PLXNA4: variants seen among roughly 807,000 people sequenced by gnomAD.
PLXNA4 encodes plexin-A4.
Under a neutral mutation model 191.8 loss-of-function variants are expected in PLXNA4, and 44 were observed. The ratio of observed to expected loss-of-function variants is 0.23; its 90% CI spans 0.18 to 0.29. PLXNA4 has a LOEUF of 0.29. Among genes scored for constraint, PLXNA4 ranks in the 10% least tolerant of loss-of-function variants. The probability of loss-of-function intolerance (pLI) is 1.00; values close to 1 mark genes in which losing one functional copy is unlikely to be tolerated. For missense variants in PLXNA4, 1,800 were observed against 2,488.8 expected (o/e 0.72, Z 5.89); for synonymous variants, 1,082 against 1,009.5 (o/e 1.07, Z -1.36).
At chr7:132,343,434 A>C (rs1248901743) in intron 3 of PLXNA4, among the ~76,000 whole-genome samples, 2 of 152,202 alleles carry the variant, frequency 1.3e-5, no homozygotes, top group Admixed American at 6.5e-5. Context: ...GGCAATCACC[A>C]TTCTAGTTTC....
At chr7:132,582,001 C>T (rs985696114), upstream of PLXNA4, among the ~76,000 whole-genome samples, 2 of 152,110 alleles carry the variant, frequency 1.3e-5, no homozygotes, top group African/African-American at 2.4e-5. Context: ...ACTCCATTGG[C>T]CAGAAAGAAG....
In PLXNA4 at chr7:132,628,341, T is replaced by C. The variant is rs1198202647; in HGVS notation, c.-87+17587A>G. Among the ~76,000 whole-genome samples the C allele has an allele frequency of 2.6e-5, 4 of 152,082 alleles. No individual in the cohort carries two copies. The East Asian group carries it at 7.7e-4, about 29-fold the overall frequency. On this transcript the variant is annotated intron_variant, in intron 2 of 4. Coordinates refer to the PLXNA4 transcript ENST00000378539. Reference sequence around the variant, plus strand: ...TCCTTTGTATTTCTCTCTTGCTCTGTCTCTCTCTCGCTCTCTCTCTCTCTC... The same window carrying C: ...TCCTTTGTATTTCTCTCTTGCTCTGCCTCTCTCTCGCTCTCTCTCTCTCTC...
intron 4 of PLXNA4, among the ~76,000 whole-genome samples, chr7:132,246,527 T>G (rs574909209): frequency 6.6e-6 from 1 of 152,284 alleles, no homozygotes; most frequent in East Asian, 1.9e-4. Context: ...GGCCCCTGAT[T>G]TTAGAAAATC....
chr7:132,305,463 A>G (rs1801482009), intron 3 of PLXNA4, among the ~76,000 whole-genome samples: 1 of 150,234 alleles, frequency 6.7e-6, no homozygotes, highest in Admixed American at 6.6e-5. Context: ...CTGGCCCGGG[A>G]TCTTCCAAGG....
At chr7:132,432,160 C>T (rs1349308152) in intron 3 of PLXNA4, among the ~76,000 whole-genome samples, 1 of 152,122 alleles carries the variant, frequency 6.6e-6, no homozygotes, top group African/African-American at 2.4e-5. Context: ...AGCTGGGTAT[C>T]CCATCCCTGC....
intron 2 of PLXNA4, among the ~76,000 whole-genome samples, chr7:132,614,718 T>C (rs1370316685): frequency 6.6e-6 from 1 of 152,218 alleles, no homozygotes; most frequent in Non-Finnish European, 1.5e-5. Flanking sequence ...TAATGAGAAA[T>C]TTCCAAGAAA....
In PLXNA4 at chr7:132,595,602, C is replaced by G. The variant is rs150925203; in HGVS notation, c.-87+50326G>C. ...GGGGTACTTTCACAACACCCAGGCA[C>G]TAAGTCACAACAGAGGAAAACTTGT... On this transcript the variant is annotated intron_variant, in intron 2 of 4. Coordinates refer to the PLXNA4 transcript ENST00000378539. 4.5e-3 allele frequency among the ~76,000 whole-genome samples: 691 copies of G among 152,308 alleles called. 6 individuals carry two copies. The highest frequency in any genetic ancestry group is 0.016 in the African/African-American group (668 of 41,564).
In PLXNA4 at chr7:132,463,522, A is replaced by G. The variant is rs185568571; in HGVS notation, c.1371+25770T>C. Reference sequence around the variant, plus strand: ...GGAAATTGATGCCAGAGAGGATAAGAGACTTGCTTAAGGTTACATAGATGG... The same window carrying G: ...GGAAATTGATGCCAGAGAGGATAAGGGACTTGCTTAAGGTTACATAGATGG... On this transcript the variant is annotated intron_variant, in intron 3 of 31. Coordinates refer to ENST00000321063, the MANE Select transcript of PLXNA4 (RefSeq NM_020911.2). 1.8e-3 allele frequency among the ~76,000 whole-genome samples: 272 copies of G among 152,326 alleles called. 3 individuals are homozygous for G. Among genetic ancestry groups the G allele is most frequent in the African/African-American group, 6.0e-3 (250 of 41,578 alleles).
At chr7:132,212,002 G>A (rs142798322) in intron 9 of PLXNA4, among the ~76,000 whole-genome samples, 80 of 152,312 alleles carry the variant, frequency 5.3e-4, no homozygotes, top group African/African-American at 1.8e-3. Flanking sequence ...CAGGAGCTGT[G>A]TGGAGGAGAG....
intron 3 of PLXNA4, among the ~76,000 whole-genome samples, chr7:132,350,293 C>G (rs1361614535): frequency 6.6e-6 from 1 of 152,128 alleles, no homozygotes; most frequent in African/African-American, 2.4e-5. Context: ...CACTTGAGGT[C>G]AGGAGTTTGA....
chr7:132,602,062 A>G (rs1192959172), intron 2 of PLXNA4, among the ~76,000 whole-genome samples: 5 of 152,262 alleles, frequency 3.3e-5, no homozygotes, highest in African/African-American at 1.2e-4. Context: ...TACTCATGTA[A>G]ACACTGAATA....
intron 3 of PLXNA4, among the ~76,000 whole-genome samples, chr7:132,441,251 T>A (rs1795688145): frequency 6.6e-6 from 1 of 152,142 alleles, no homozygotes; most frequent in African/African-American, 2.4e-5. Flanking sequence ...AAAAGGTAAA[T>A]TCGATGGGTA....
intron 4 of PLXNA4, among the ~76,000 whole-genome samples, chr7:132,259,436 CAAAAAAAAAAAAAAAAAAAAAAAAAAAA>C (rs55902635): frequency 3.0e-5 from 1 of 33,854 alleles, no homozygotes; most frequent in Non-Finnish European, 5.1e-5. Context: ...AACTCCAACT[CAAAAAAAAAAAAAAAAAAAAAAAAAAAA>C]AAAAAAAAAG....
intron 9 of PLXNA4, among the ~76,000 whole-genome samples, chr7:132,219,555 C>G (rs936951352): frequency 1.3e-5 from 2 of 152,122 alleles, no homozygotes; most frequent in Non-Finnish European, 2.9e-5. Flanking sequence ...TAAATCATAA[C>G]AAAACTTCAG....
chr7:132,160,249 T>A (rs1295151983), intron 24 of PLXNA4, among the ~76,000 whole-genome samples: 1 of 152,170 alleles, frequency 6.6e-6, no homozygotes, highest in East Asian at 1.9e-4. Flanking sequence ...TCTTTAAAAA[T>A]AAAAAGATGC....
intron 24 of PLXNA4, among the ~76,000 whole-genome samples, chr7:132,160,946 C>T (rs1289385396): frequency 6.6e-6 from 1 of 152,020 alleles, no homozygotes. Flanking sequence ...CCCCTGAAAT[C>T]TATAAAACCA....
intron 2 of PLXNA4, among the ~76,000 whole-genome samples, chr7:132,638,410 G>A (rs1344537026): frequency 6.6e-6 from 1 of 152,178 alleles, no homozygotes; most frequent in African/African-American, 2.4e-5. Flanking sequence ...CCAGCACTTT[G>A]GGAGGCTGAG....
chr7:132,518,990 T>C (rs1799059626), intron 1 of PLXNA4, among the ~76,000 whole-genome samples: 1 of 152,190 alleles, frequency 6.6e-6, no homozygotes, highest in African/African-American at 2.4e-5. Context: ...AAACTCTCCA[T>C]TACCACGTGG....
chr7:132,396,100 G>A (rs1365868174), intron 3 of PLXNA4, among the ~76,000 whole-genome samples: 6 of 152,076 alleles, frequency 3.9e-5, no homozygotes, highest in Non-Finnish European at 1.5e-5. Context: ...TAGAGATGAG[G>A]AGCTGTGGTC....
Sources: allele counts gnomAD v4.1 joint callset (sites outside exome capture counted in the v4.1 genomes callset), GRCh38; gene constraint gnomAD v4.1.1; transcripts MANE v1.5; gene names NCBI Gene and HGNC (gene_info 2026-07-23, HGNC 2026-07-21).